The following RTN4IP1 variants were observed in gnomAD, a reference collection of about 807,000 sequenced individuals.
RTN4IP1 encodes reticulon 4 interacting protein 1.
RTN4IP1 carries 32 observed loss-of-function variants against 46.6 expected under a neutral mutation model. That is an observed-to-expected ratio of 0.69 (90% confidence interval 0.52 to 0.92). RTN4IP1 has a LOEUF of 0.92. RTN4IP1 is among the 40% of genes least tolerant of loss of function. RTN4IP1 has a pLI of 0.00. For synonymous variants in RTN4IP1, 167 were observed against 161.8 expected, an observed-to-expected ratio of 1.03 and a Z score of -0.24; for missense variants, 424 against 485.8, an observed-to-expected ratio of 0.87 and a Z score of 1.20.
In RTN4IP1 at chr6:106,592,208, A is replaced by C. The variant is rs2114641783; in HGVS notation, c.762T>G (p.Asp254Glu). Reference sequence around the variant, plus strand: ...GCTCTTCCACACTTCCAGATTTGTAATCAATTACATCGTCTGCACCAAGCT... The same window carrying C: ...GCTCTTCCACACTTCCAGATTTGTACTCAATTACATCGTCTGCACCAAGCT... ...VRKLGADDVI[D>E]YKSGSVEEQL... is the part of the protein sequence containing the mutation. The change falls in exon 6 of 9, where the codon GAT becomes GAG. Residue 254 changes from aspartate (D) to glutamate (E), a missense_variant. By Grantham distance (45) the Asp-to-Glu change is conservative. Transcript: ENST00000369063. 6.2e-7 allele frequency: 1 copy of C among 1,614,154 alleles called. No individual in the cohort carries two copies. The highest frequency in any genetic ancestry group is 1.6e-4 in the Middle Eastern group (1 of 6,062).
chr6:106,590,445 G>T (rs6913374), intron 6 of RTN4IP1, among the ~76,000 whole-genome samples: 21,458 of 151,390 alleles, frequency 0.14, 1,744 homozygotes, highest in African/African-American at 0.21. Context: ...GGCTGGGCGC[G>T]GTGGTTCACG....
At chr6:106,617,668 G>A (rs1776387768) in intron 4 of RTN4IP1, among the ~76,000 whole-genome samples, 1 of 152,024 alleles carries the variant, frequency 6.6e-6, no homozygotes, top group Non-Finnish European at 1.5e-5. Flanking sequence ...TCACACCAAT[G>A]TCTCTAAGAA....
intron 1 of RTN4IP1, 119 bp downstream of exon 1, chr6:106,628,629 G>C: frequency 2.0e-6 from 2 of 987,460 alleles, no homozygotes; most frequent in South Asian, 3.5e-5. Context: ...CAGAGGTATT[G>C]TTAAAAACCT....
intron 4 of RTN4IP1, chr6:106,607,856 G>A (rs182444859): frequency 6.6e-6 from 1 of 152,238 alleles, no homozygotes; most frequent in Admixed American, 6.5e-5. Context: ...AAAAGATGCA[G>A]AGAAAAGGGG....
intron 5 of RTN4IP1, among the ~76,000 whole-genome samples, chr6:106,601,825 G>A (rs539649939): frequency 1.3e-5 from 2 of 152,160 alleles, no homozygotes; most frequent in Admixed American, 6.5e-5. Context: ...TGGCCAGGCT[G>A]TTCTTGAACT....
Position 106,587,958 on chromosome 6 carries a change from T to G in RTN4IP1, c.807-96A>C, listed in dbSNP as rs1775527633. ...CAGTACCAGTTGGCTTAGGGTTTATTTCAGTGACAAATCTTAAACTGTGCT... is the reference window on the plus strand; with the variant it reads ...CAGTACCAGTTGGCTTAGGGTTTATGTCAGTGACAAATCTTAAACTGTGCT... On this transcript the variant is annotated intron_variant, in intron 6 of 8. Transcript: ENST00000369063. 5.4e-6 allele frequency: 6 copies of G among 1,101,524 alleles called. No homozygotes were observed. In the South Asian group the frequency reaches 9.8e-5, roughly 18 times the overall value. 68.2% of individuals were successfully genotyped at this position (1,101,524 alleles called of 1,614,324 possible). A position where few individuals can be genotyped will look rare whatever the true frequency, so the allele number is the denominator to read the frequency against.
intron 8 of RTN4IP1, among the ~76,000 whole-genome samples, chr6:106,577,021 G>A (rs1470357924): frequency 6.6e-6 from 1 of 152,188 alleles, no homozygotes; most frequent in Non-Finnish European, 1.5e-5. Flanking sequence ...CTATATCACT[G>A]TTCAACCAAG....
At chr6:106,590,892 A>G (rs1016357670) in intron 6 of RTN4IP1, among the ~76,000 whole-genome samples, 29 of 152,220 alleles carry the variant, frequency 1.9e-4, no homozygotes, top group African/African-American at 6.7e-4. Context: ...GTCCTTAAAC[A>G]TGCCAGGCAT....
chr6:106,612,575 T>C (rs1226901660), intron 4 of RTN4IP1, among the ~76,000 whole-genome samples: 1 of 151,908 alleles, frequency 6.6e-6, no homozygotes, highest in Admixed American at 6.6e-5. Context: ...CTAAATTTCT[T>C]TTCAAATAAT....
chr6:106,583,118 C>A (rs1194356822), intron 8 of RTN4IP1, among the ~76,000 whole-genome samples: 1 of 152,200 alleles, frequency 6.6e-6, no homozygotes, highest in Non-Finnish European at 1.5e-5. Context: ...ATGAGAGAAG[C>A]TCTTGTGCAG....
intron 4 of RTN4IP1, among the ~76,000 whole-genome samples, chr6:106,618,890 A>G (rs1422807018): frequency 1.3e-5 from 2 of 152,150 alleles, no homozygotes. Context: ...TAAAAAAAAG[A>G]TATGGATCTT....
Position 106,572,096 on chromosome 6 carries a change from G to A in RTN4IP1, c.1091C>T (p.Pro364Leu), listed in dbSNP as rs755886286. 6.2e-7 allele frequency: 1 copy of A among 1,613,214 alleles called. No individual in the cohort carries two copies. Among genetic ancestry groups the A allele is most frequent in the African/African-American group, 1.3e-5 (1 of 75,040 alleles). Reference sequence around the variant, plus strand: ...AAAAGGAAAGGTTTGTTCAATAACTGGCCGGATCTGTAAAACATAAGAGGT... The same window carrying A: ...AAAAGGAAAGGTTTGTTCAATAACTAGCCGGATCTGTAAAACATAAGAGGT... ...AELVDAGKIRPVIEQTFPFSK... is the reference protein window; with the variant it reads ...AELVDAGKIRLVIEQTFPFSK... The change falls in exon 9 of 9, where the codon CCA becomes CTA. Residue 364 changes from proline (P) to leucine (L), a missense_variant. Physicochemically the swap from Pro to Leu is moderately conservative, Grantham distance 98 (BLOSUM62 -3). Coordinates refer to ENST00000369063, the MANE Select transcript of RTN4IP1 (RefSeq NM_032730.5).
At chr6:106,579,117 T>A (rs527807577) in intron 8 of RTN4IP1, among the ~76,000 whole-genome samples, 1 of 151,796 alleles carries the variant, frequency 6.6e-6, no homozygotes, top group East Asian at 1.9e-4. Context: ...GCGCCTGTAG[T>A]CCCAGCTACT....
At chr6:106,596,408 C>T (rs1420428169) in intron 5 of RTN4IP1, among the ~76,000 whole-genome samples, 1 of 152,110 alleles carries the variant, frequency 6.6e-6, no homozygotes, top group Non-Finnish European at 1.5e-5. Flanking sequence ...CACAGCAAGA[C>T]CCCATCGCTA....
chr6:106,611,837 A>C (rs1776232831), intron 4 of RTN4IP1, among the ~76,000 whole-genome samples: 1 of 152,232 alleles, frequency 6.6e-6, no homozygotes, highest in Non-Finnish European at 1.5e-5. Flanking sequence ...AGAAAGTTAA[A>C]CACATTTTCC....
chr6:106,571,823 G>T lies in RTN4IP1; in HGVS notation c.*173C>A. On this transcript the variant is annotated 3_prime_UTR_variant, in exon 9 of 9. Transcript: ENST00000369063. Reference sequence around the variant, plus strand: ...CTGACTACAGACAAATCCAAGTGCTGATATTTTTATATCAATTACTGGCCA... The same window carrying T: ...CTGACTACAGACAAATCCAAGTGCTTATATTTTTATATCAATTACTGGCCA... 1.8e-6 allele frequency: 1 copy of T among 543,452 alleles called. No individual in the cohort carries two copies. The highest frequency in any genetic ancestry group is 3.3e-6 in the Non-Finnish European group (1 of 304,668). The allele number at this position is 543,452 out of a possible 1,614,324, so 33.7% of individuals were successfully genotyped here.
At chr6:106,575,513 G>A (rs1179131663) in intron 8 of RTN4IP1, among the ~76,000 whole-genome samples, 1 of 148,914 alleles carries the variant, frequency 6.7e-6, no homozygotes, top group African/African-American at 2.5e-5. Context: ...CCTCCTTCCT[G>A]CTGAGGCAAA....
chr6:106,594,432 C>T (rs1775733843), intron 5 of RTN4IP1, among the ~76,000 whole-genome samples: 1 of 152,046 alleles, frequency 6.6e-6, no homozygotes, highest in South Asian at 2.1e-4. Flanking sequence ...TCGCTTGAGC[C>T]GGCGGGGGTG....
At chr6:106,625,848 G>A (rs1367383961) in intron 1 of RTN4IP1, among the ~76,000 whole-genome samples, 1 of 151,682 alleles carries the variant, frequency 6.6e-6, no homozygotes, top group African/African-American at 2.4e-5. Flanking sequence ...TAGAGACGGG[G>A]TTTCTCCATG....
Sources: gnomAD v4.1 joint callset for allele counts (sites outside exome capture counted in the v4.1 genomes callset) on GRCh38, gnomAD v4.1.1 for gene constraint, MANE v1.5 for transcripts, NCBI Gene and HGNC (gene_info 2026-07-23, HGNC 2026-07-21) for gene names.